The following XYLT1 variants were observed in gnomAD, a reference collection of about 807,000 sequenced individuals.
XYLT1 encodes the protein xylosyltransferase 1, also known as beta-D-xylosyltransferase 1.
A neutral mutation model predicts 91.3 loss-of-function variants in XYLT1; 36 were observed. That is an observed-to-expected ratio of 0.39 (90% CI 0.30 to 0.52). The LOEUF (loss-of-function observed/expected upper bound fraction) is 0.52, where lower values mean the gene tolerates loss of function less well. Ranked by LOEUF, XYLT1 falls within the 20% of genes least tolerant of loss-of-function variation. The pLI is 0.68. For synonymous variants in XYLT1, 588 were observed against 532.0 expected, an observed-to-expected ratio of 1.11 and a Z score of -1.45; for missense variants, 1,242 against 1,284.5, an observed-to-expected ratio of 0.97 and a Z score of 0.51.
At chr16:17,141,723 A>C (rs1196447410) in intron 6 of XYLT1, among the ~76,000 whole-genome samples, 1 of 152,146 alleles carries the variant, frequency 6.6e-6, no homozygotes, top group East Asian at 1.9e-4. Context: ...TATGCCATAG[A>C]GGTCTTGGCA....
intron 1 of XYLT1, among the ~76,000 whole-genome samples, chr16:17,449,900 T>G: frequency 6.6e-6 from 1 of 152,218 alleles, no homozygotes; most frequent in Admixed American, 6.5e-5. Context: ...AGACATCTCA[T>G]CTGATCTTTC....
intron 1 of XYLT1, among the ~76,000 whole-genome samples, chr16:17,413,650 C>A (rs1476659715): frequency 6.6e-6 from 1 of 152,010 alleles, no homozygotes; most frequent in Non-Finnish European, 1.5e-5. Flanking sequence ...GTTGCTCAGG[C>A]CGGTCTTGAA....
intron 1 of XYLT1, among the ~76,000 whole-genome samples, chr16:17,416,925 G>A (rs964395530): frequency 1.3e-5 from 2 of 152,210 alleles, no homozygotes; most frequent in African/African-American, 2.4e-5. Flanking sequence ...ACCCACAAGT[G>A]CTAACGAGGT....
chr16:17,333,890 T>C (rs1332692633), intron 2 of XYLT1, among the ~76,000 whole-genome samples: 1 of 152,072 alleles, frequency 6.6e-6, no homozygotes, highest in African/African-American at 2.4e-5. Flanking sequence ...CCCGGCCTCA[T>C]GTTGAAATTT....
intron 1 of XYLT1, among the ~76,000 whole-genome samples, chr16:17,421,834 G>A (rs1051512612): frequency 6.6e-6 from 1 of 152,110 alleles, no homozygotes; most frequent in Non-Finnish European, 1.5e-5. Flanking sequence ...GAATACCAGA[G>A]AACTGTTAAC....
chr16:17,396,892 T>G (rs2035893732), intron 1 of XYLT1, among the ~76,000 whole-genome samples: 2 of 151,964 alleles, frequency 1.3e-5, no homozygotes, highest in Admixed American at 1.3e-4. Context: ...CTAACTAGAG[T>G]ATCAGGAAAT....
chr16:17,164,471 C>T (rs1245360003), intron 5 of XYLT1, among the ~76,000 whole-genome samples: 1 of 152,100 alleles, frequency 6.6e-6, no homozygotes, highest in African/African-American at 2.4e-5. Context: ...TATCCATCTC[C>T]AGAACTCTTT....
chr16:17,448,656 T>C (rs2036623785), intron 1 of XYLT1, among the ~76,000 whole-genome samples: 1 of 122,762 alleles, frequency 8.1e-6, no homozygotes, highest in Non-Finnish European at 1.6e-5. Flanking sequence ...ACAGTAATAA[T>C]AATAATGGAA....
chr16:17,424,461 A>G (rs1390271834), intron 1 of XYLT1, among the ~76,000 whole-genome samples: 1 of 152,234 alleles, frequency 6.6e-6, no homozygotes, highest in Non-Finnish European at 1.5e-5. Context: ...TTTTATGGAC[A>G]TTATAGCTTA....
chr16:17,303,128 A>G (rs1232783650), intron 2 of XYLT1, among the ~76,000 whole-genome samples: 1 of 152,208 alleles, frequency 6.6e-6, no homozygotes, highest in Non-Finnish European at 1.5e-5. Context: ...TACCATGTGC[A>G]AAGAATTGGG....
At chr16:17,304,365 T>C (rs1315457845) in intron 2 of XYLT1, among the ~76,000 whole-genome samples, 1 of 152,168 alleles carries the variant, frequency 6.6e-6, no homozygotes, top group Non-Finnish European at 1.5e-5. Context: ...TGTGTCTTTT[T>C]TTCCCCCTCC....
rs150301505 is a variant in XYLT1, at chr16:17,134,652, C to G, written c.1848G>C (p.Leu616=). 696 of 1,614,176 alleles carry G rather than the reference C, an allele frequency of 4.3e-4. 2 individuals are homozygous for G. The African/African-American group carries it at 7.9e-3, about 18-fold the overall frequency. The change falls in exon 9 of 12, where the codon CTG becomes CTC. Residue 616 remains leucine (L), a synonymous_variant. Coordinates refer to ENST00000261381, the MANE Select transcript of XYLT1 (RefSeq NM_022166.4). ...GGGTACCTGCAGGGTAGTTCCCGTA[C>G]AGGTAATAGTCCAGCTGCCCAATGA... ...QEIIGQLDYY[L]YGNYPAGTPG... is the part of the protein sequence containing the mutation.
intron 3 of XYLT1, among the ~76,000 whole-genome samples, chr16:17,246,486 C>A (rs2033437523): frequency 6.6e-6 from 1 of 152,156 alleles, no homozygotes; most frequent in South Asian, 2.1e-4. Context: ...TACCACAGAG[C>A]AGACAAGTTA....
At chr16:17,113,422 C>A (rs567875481) in intron 11 of XYLT1, among the ~76,000 whole-genome samples, 4 of 152,214 alleles carry the variant, frequency 2.6e-5, no homozygotes, top group African/African-American at 9.6e-5. Context: ...GGATTTCAGG[C>A]GTGAGCCACT....
intron 3 of XYLT1, among the ~76,000 whole-genome samples, chr16:17,234,695 A>AAAATAAAT (rs4071716): frequency 0.58 from 84,731 of 146,688 alleles, 24,822 homozygotes; most frequent in South Asian, 0.66. Flanking sequence ...GCCATGTGAT[A>AAAATAAAT]AAATAAATAA....
At chr16:17,327,089 G>A (rs2034815886) in intron 2 of XYLT1, among the ~76,000 whole-genome samples, 1 of 152,178 alleles carries the variant, frequency 6.6e-6, no homozygotes, top group Admixed American at 6.5e-5. Flanking sequence ...TGGACAGCAC[G>A]GGTGGGGAAT....
At chr16:17,415,287 G>A (rs2036166514) in intron 1 of XYLT1, among the ~76,000 whole-genome samples, 1 of 152,140 alleles carries the variant, frequency 6.6e-6, no homozygotes, top group South Asian at 2.1e-4. Flanking sequence ...TACTGTATGC[G>A]AAGAGCTGGT....
intron 3 of XYLT1, among the ~76,000 whole-genome samples, chr16:17,239,451 TTCATCCATCCATCCATCCA>T (rs1388191081): frequency 8.3e-5 from 12 of 145,174 alleles, no homozygotes; most frequent in African/African-American, 5.2e-5. Context: ...ATCCAGTCCA[TTCATCCATCCATCCATCCA>T]TCATCCATCC....
Position 17,160,964 on chromosome 16 carries a change from G to A in XYLT1, c.1290-2055C>T, listed in dbSNP as rs189390445. ...CTCTCCGCAACAGTTCATTATTGTT[G>A]TCCTGATGAATACGAGACAAGTTAA... is the stretch of plus-strand genomic sequence containing the variant. On this transcript the variant is annotated intron_variant, in intron 5 of 11. Transcript: ENST00000261381. Among the ~76,000 whole-genome samples, 26 of 152,244 alleles carry A rather than the reference G, an allele frequency of 1.7e-4. No homozygotes were observed. In the East Asian group the frequency reaches 4.8e-3, roughly 28 times the overall value.
Sources: gnomAD v4.1 joint callset for allele counts (sites outside exome capture counted in the v4.1 genomes callset) on GRCh38, gnomAD v4.1.1 for gene constraint, MANE v1.5 for transcripts, NCBI Gene and HGNC (gene_info 2026-07-23, HGNC 2026-07-21) for gene names.